The following RPS6KA5 variants were observed in gnomAD, a reference collection of about 807,000 sequenced individuals.
RPS6KA5 encodes the protein ribosomal protein S6 kinase alpha-5.
In RPS6KA5, 27 loss-of-function variants were observed where a neutral mutation model predicts 85.5. The observed-to-expected ratio is 0.32, with a 90% CI of 0.23 to 0.44. The LOEUF (loss-of-function observed/expected upper bound fraction) is 0.44, where lower values mean the gene tolerates loss of function less well. RPS6KA5 is among the 20% of genes least tolerant of loss of function. RPS6KA5 has a pLI of 1.00. For missense variants in RPS6KA5, 811 were observed against 980.9 expected, an observed-to-expected ratio of 0.83 and a Z score of 2.31; for synonymous variants, 334 against 348.2, an observed-to-expected ratio of 0.96 and a Z score of 0.46.
At chr14:90,942,014 T>C (rs2037597565) in intron 5 of RPS6KA5, among the ~76,000 whole-genome samples, 2 of 152,216 alleles carry the variant, frequency 1.3e-5, no homozygotes, top group South Asian at 4.1e-4. Flanking sequence ...TCAAAGATGA[T>C]CAATTTACTG....
chr14:91,039,855 G>T (rs1028330978), intron 1 of RPS6KA5, among the ~76,000 whole-genome samples: 2 of 152,160 alleles, frequency 1.3e-5, no homozygotes, highest in African/African-American at 2.4e-5. Flanking sequence ...AATTAAGTAA[G>T]ATAGGCAAAA....
chr14:90,902,708 A>G (rs2035242913), intron 9 of RPS6KA5, 100 bp downstream of exon 9: 2 of 1,124,220 alleles, frequency 1.8e-6, no homozygotes, highest in Non-Finnish European at 2.5e-6. Context: ...AGAGAATCCC[A>G]TTTTTATGAT....
intron 5 of RPS6KA5, 178 bp from the exon 6 acceptor site, chr14:90,923,374 G>C (rs1595225568): frequency 8.9e-6 from 5 of 563,996 alleles, no homozygotes; most frequent in East Asian, 3.0e-5. Flanking sequence ...ATGAGTCCTG[G>C]GTATATGTCA....
chr14:91,038,122 G>A (rs780420732), intron 1 of RPS6KA5, among the ~76,000 whole-genome samples: 2 of 152,138 alleles, frequency 1.3e-5, no homozygotes, highest in Non-Finnish European at 2.9e-5. Context: ...CTCTAACAAG[G>A]TGTTGATCCT....
chr14:91,006,768 C>T (rs1160596224), intron 1 of RPS6KA5, among the ~76,000 whole-genome samples: 2 of 152,026 alleles, frequency 1.3e-5, no homozygotes, highest in Non-Finnish European at 1.5e-5. Context: ...AGGCTTTCAC[C>T]ATGTTGGCCA....
At chr14:90,993,985 C>T (rs1406329796) in intron 2 of RPS6KA5, among the ~76,000 whole-genome samples, 1 of 151,900 alleles carries the variant, frequency 6.6e-6, no homozygotes, top group Non-Finnish European at 1.5e-5. Flanking sequence ...ACCTCCCAGG[C>T]TCAGACAACC....
rs376401703 is a variant in RPS6KA5 at position 90,894,419 on chromosome 14, T to C, written c.1638A>G (p.Lys546=). 2 of 1,613,508 alleles carry C rather than the reference T, an allele frequency of 1.2e-6. No homozygotes were observed. Among genetic ancestry groups the C allele is most frequent in the African/African-American group, 2.7e-5 (2 of 74,900 alleles). ...AGATCCAGTGATTTTATACCTCAGG[T>C]TTCAGATCCCTGTGCACCACTCCAA... The part of the protein sequence containing the change: ...HDVGVVHRDL[K]PENLLFTDEN... The change falls in exon 13 of 17, where the codon AAA becomes AAG. Residue 546 remains lysine, a synonymous_variant. Transcript: ENST00000614987.
intron 1 of RPS6KA5, among the ~76,000 whole-genome samples, chr14:91,008,009 A>C (rs1411108414): frequency 6.6e-6 from 1 of 152,178 alleles, no homozygotes; most frequent in Non-Finnish European, 1.5e-5. Flanking sequence ...CTAACTTTCT[A>C]AGCAATGCTA....
intron 10 of RPS6KA5, 48 bp downstream of exon 10, chr14:90,900,563 A>C: frequency 6.4e-7 from 1 of 1,566,682 alleles, no homozygotes; most frequent in Non-Finnish European, 8.7e-7. Context: ...GTATTTAAAC[A>C]CTCACAAAAC....
chr14:90,892,580 A>G (rs1012947476), intron 13 of RPS6KA5, among the ~76,000 whole-genome samples: 1 of 119,634 alleles, frequency 8.4e-6, no homozygotes, highest in Non-Finnish European at 1.7e-5. Flanking sequence ...ATCTCAGAAG[A>G]GTATGGGACA....
At position 90,854,238 on chromosome 14, in the gene RPS6KA5, A is replaced by C. The variant is rs966117568; in HGVS notation, c.*17836T>G. The C allele has an allele frequency of 4.0e-5, 5 of 125,864 alleles. No homozygotes were observed. The highest frequency in any genetic ancestry group is 7.7e-5 in the Non-Finnish European group (5 of 64,732). 7.8% of individuals were successfully genotyped at this position (125,864 alleles called of 1,614,324 possible). A position where few individuals can be genotyped will look rare whatever the true frequency, so the allele number is the denominator to read the frequency against. ...TTTATAATTCCTAAGTAATTATTAAATGATTAATGTTTAATCATTAATCAT... is the reference window on the plus strand; with the variant it reads ...TTTATAATTCCTAAGTAATTATTAACTGATTAATGTTTAATCATTAATCAT... On this transcript the variant is annotated 3_prime_UTR_variant, in exon 17 of 17. Coordinates refer to ENST00000614987, the MANE Select transcript of RPS6KA5 (RefSeq NM_004755.4).
chr14:91,044,786 G>GC lies in RPS6KA5; in HGVS notation c.103+15545dup, dbSNP rs544344637. The stretch of plus-strand genomic sequence containing the variant: ...CTCGGGAAGCTGAGGCAGGAGAATC[G>GC]CTTGAACTCAGGAGGCAGAGGTTGC... On this transcript the variant is annotated intron_variant, in intron 1 of 16. Coordinates refer to ENST00000614987, the MANE Select transcript of RPS6KA5 (RefSeq NM_004755.4). Among the ~76,000 whole-genome samples, 16 of 151,106 alleles carry GC rather than the reference G, an allele frequency of 1.1e-4. No individual in the cohort carries two copies. In the East Asian group the frequency reaches 3.1e-3, roughly 29 times the overall value.
intron 12 of RPS6KA5, among the ~76,000 whole-genome samples, chr14:90,897,919 G>A (rs1481862063): frequency 6.6e-6 from 1 of 152,120 alleles, no homozygotes; most frequent in African/African-American, 2.4e-5. Context: ...TCGTGGCCAG[G>A]GGACTCATTA....
At chr14:90,925,672 CAGT>C (rs1264599153) in intron 5 of RPS6KA5, among the ~76,000 whole-genome samples, 1 of 151,386 alleles carries the variant, frequency 6.6e-6, no homozygotes, top group Non-Finnish European at 1.5e-5. Context: ...TTACTTGAAA[CAGT>C]AGAAAAATAA....
chr14:90,989,549 T>G (rs114668681), intron 2 of RPS6KA5, among the ~76,000 whole-genome samples: 2,321 of 152,308 alleles, frequency 0.015, 44 homozygotes, highest in African/African-American at 0.043. Flanking sequence ...ATGCTGCACT[T>G]CATTATTAGA....
chr14:91,029,165 T>G (rs1218526040), intron 1 of RPS6KA5, among the ~76,000 whole-genome samples: 1 of 152,206 alleles, frequency 6.6e-6, no homozygotes, highest in African/African-American at 2.4e-5. Context: ...CTTTCTTTGT[T>G]GTGTGCCCAT....
chr14:90,971,449 A>T (rs2140454910), intron 3 of RPS6KA5, among the ~76,000 whole-genome samples: 1 of 152,314 alleles, frequency 6.6e-6, no homozygotes, highest in Non-Finnish European at 1.5e-5. Flanking sequence ...CTGATGCCTG[A>T]TTTACAAGAT....
chr14:90,936,046 T>C (rs2037238244), intron 5 of RPS6KA5, among the ~76,000 whole-genome samples: 1 of 152,168 alleles, frequency 6.6e-6, no homozygotes, highest in South Asian at 2.1e-4. Context: ...ACTCAACAAA[T>C]GTTTGTAAAA....
At chr14:91,043,112 C>G (rs571040533) in intron 1 of RPS6KA5, among the ~76,000 whole-genome samples, 49 of 152,298 alleles carry the variant, frequency 3.2e-4, no homozygotes, top group Middle Eastern at 6.8e-3. Flanking sequence ...CCTGCCACCC[C>G]CTAAAGCATC....
Sources: allele counts gnomAD v4.1 joint callset (sites outside exome capture counted in the v4.1 genomes callset), GRCh38; gene constraint gnomAD v4.1.1; transcripts MANE v1.5; gene names NCBI Gene and HGNC (gene_info 2026-07-23, HGNC 2026-07-21).